Variants in SMC5 observed in about 807,000 individuals in gnomAD.
The protein encoded by SMC5 is structural maintenance of chromosomes protein 5.
SMC5 carries 88 observed loss-of-function variants against 148.3 expected under a neutral mutation model. That is an observed-to-expected ratio of 0.59 (90% CI 0.50 to 0.71). SMC5 has a LOEUF of 0.71. SMC5 is among the 30% of genes least tolerant of loss of function. The pLI is 0.00. For missense variants in SMC5, 1,142 were observed against 1,298.9 expected, an observed-to-expected ratio of 0.88 and a Z score of 1.86; for synonymous variants, 421 against 432.8, an observed-to-expected ratio of 0.97 and a Z score of 0.34.
chr9:70,271,877 TA>T (rs1001012792), intron 3 of SMC5, among the ~76,000 whole-genome samples: 26 of 152,186 alleles, frequency 1.7e-4, no homozygotes, highest in Admixed American at 1.6e-3. Flanking sequence ...AGGAGAATAG[TA>T]AAAGATAAGC....
chr9:70,264,189 A>T, intron 1 of SMC5, 115 bp from the exon 2 acceptor site: 2 of 886,578 alleles, frequency 2.3e-6, no homozygotes, highest in Non-Finnish European at 3.2e-6. Flanking sequence ...AAAAAACATT[A>T]AATTTGTAAG....
chr9:70,287,819 TA>T (rs2034951515), intron 8 of SMC5, among the ~76,000 whole-genome samples: 1 of 152,186 alleles, frequency 6.6e-6, no homozygotes, highest in East Asian at 1.9e-4. Flanking sequence ...TTCCTAGTCC[TA>T]AGAATTTCTG....
At chr9:70,303,198 C>G (rs1358745614) in intron 10 of SMC5, among the ~76,000 whole-genome samples, 1 of 151,872 alleles carries the variant, frequency 6.6e-6, no homozygotes, top group Non-Finnish European at 1.5e-5. Context: ...CTGCACTCAG[C>G]CTGGGCAACA....
intron 12 of SMC5, among the ~76,000 whole-genome samples, chr9:70,315,243 G>A (rs1009376748): frequency 1.3e-5 from 2 of 151,814 alleles, no homozygotes; most frequent in Admixed American, 1.3e-4. Flanking sequence ...AAAAAGAGTA[G>A]TTTGTAATCA....
At chr9:70,338,566 C>A (rs1417545442) in intron 17 of SMC5, among the ~76,000 whole-genome samples, 2 of 152,152 alleles carry the variant, frequency 1.3e-5, no homozygotes, top group Non-Finnish European at 2.9e-5. Flanking sequence ...CTGCAGAAAT[C>A]TACAGCTTTA....
At position 70,305,236 on chromosome 9, in the gene SMC5, T is replaced by G; in HGVS notation, c.1465-11T>G. 1.5e-6 allele frequency: 2 copies of G among 1,315,790 alleles called. No homozygotes were observed. The highest frequency in any genetic ancestry group is 2.2e-6 in the Non-Finnish European group (2 of 929,380). The allele number at this position is 1,315,790 out of a possible 1,614,324, so 81.5% of individuals were successfully genotyped here. ...TCATGAAATTCGACCTTTTTTTGCT[T>G]GTTTGTTTAGATCAATATGAAAGAT... On this transcript the variant is annotated splice_polypyrimidine_tract_variant and intron_variant, in intron 10 of 24. Coordinates refer to ENST00000361138, the MANE Select transcript of SMC5 (RefSeq NM_015110.4).
Position 70,353,023 on chromosome 9 carries a change from TTGAC to T in SMC5, c.*696_*699del, listed in dbSNP as rs1332903268. The T allele has an allele frequency of 1.3e-5, 2 of 151,850 alleles. No homozygotes were observed. The highest frequency in any genetic ancestry group is 2.1e-4 in the South Asian group (1 of 4,814). The allele number at this position is 151,850 out of a possible 1,614,324, so 9.4% of individuals were successfully genotyped here. A position where few individuals can be genotyped will look rare whatever the true frequency, so the allele number is the denominator to read the frequency against. ...GATGATGCAAAATACAACCAAAAGA[TTGAC>T]TGAGAATAAAATTAGGTGACAAGGG... On this transcript the variant is annotated 3_prime_UTR_variant, in exon 25 of 25. Coordinates refer to ENST00000361138, the MANE Select transcript of SMC5 (RefSeq NM_015110.4).
chr9:70,282,051 T>TTTC lies in SMC5; in HGVS notation c.820-371_820-370insTTC, dbSNP rs55989839. 2.8e-3 allele frequency among the ~76,000 whole-genome samples: 418 copies of TTTC among 148,628 alleles called. 6 individuals carry two copies. Among genetic ancestry groups the TTTC allele is most frequent in the East Asian group, 0.019 (97 of 5,048 alleles). ...CCATTTTCATTTTGTTTTTTTTTTT[T>TTTC]ATTTTTACCCTTTATACTTGAGTTT... On this transcript the variant is annotated intron_variant, in intron 6 of 24. Transcript: ENST00000361138.
At chr9:70,287,596 C>T (rs1241973527) in intron 8 of SMC5, among the ~76,000 whole-genome samples, 1 of 152,120 alleles carries the variant, frequency 6.6e-6, no homozygotes, top group Non-Finnish European at 1.5e-5. Context: ...TGTTAATCTC[C>T]TAGTTCTCAG....
At chr9:70,329,930 G>A (rs765133435) in intron 17 of SMC5, among the ~76,000 whole-genome samples, 8 of 152,122 alleles carry the variant, frequency 5.3e-5, no homozygotes, top group Admixed American at 1.3e-4. Context: ...AATCAGGCAC[G>A]TCTTACCATG....
intron 11 of SMC5, among the ~76,000 whole-genome samples, chr9:70,306,268 T>C (rs1450710852): frequency 1.3e-5 from 2 of 152,188 alleles, no homozygotes; most frequent in African/African-American, 4.8e-5. Context: ...ATTTTTTTAA[T>C]TGGTCTAAGT....
chr9:70,261,502 G>T (rs749415411), intron 1 of SMC5, among the ~76,000 whole-genome samples: 4 of 152,190 alleles, frequency 2.6e-5, no homozygotes, highest in Non-Finnish European at 5.9e-5. Context: ...TCAGAAGAGG[G>T]AGCAGTTTGA....
chr9:70,331,505 G>GT (rs57930530), intron 17 of SMC5, among the ~76,000 whole-genome samples: 32,005 of 149,392 alleles, frequency 0.21, 3,517 homozygotes, highest in South Asian at 0.28. Context: ...ATGGTTATGG[G>GT]TTTTTTTTTT....
At chr9:70,301,584 T>A (rs2035359041) in intron 10 of SMC5, among the ~76,000 whole-genome samples, 1 of 152,332 alleles carries the variant, frequency 6.6e-6, no homozygotes, top group East Asian at 1.9e-4. Context: ...TTTCTATGAT[T>A]TATTTTTAAC....
intron 1 of SMC5, among the ~76,000 whole-genome samples, chr9:70,262,531 A>G (rs2034167194): frequency 6.6e-6 from 1 of 152,208 alleles, no homozygotes; most frequent in South Asian, 2.1e-4. Context: ...GGTCAATGGC[A>G]TGAATGATAA....
intron 10 of SMC5, among the ~76,000 whole-genome samples, chr9:70,303,086 G>A (rs1443181333): frequency 6.6e-6 from 1 of 152,062 alleles, no homozygotes; most frequent in Non-Finnish European, 1.5e-5. Context: ...AATTAGCTGG[G>A]CATGGTGGCA....
At position 70,352,489 on chromosome 9, in the gene SMC5, CT is replaced by C. The variant is rs2036828176; in HGVS notation, c.*161del. ...GGTTGATAATGGAAACTATAATGAC[CT>C]TTCCAAAATAGCAGCTGGTAGTAAA... On this transcript the variant is annotated 3_prime_UTR_variant, in exon 25 of 25. Transcript: ENST00000361138. 2.9e-6 allele frequency: 2 copies of C among 692,352 alleles called. No individual in the cohort carries two copies. Among genetic ancestry groups the C allele is most frequent in the Admixed American group, 6.8e-5 (2 of 29,306 alleles). The allele number at this position is 692,352 out of a possible 1,614,324, so 42.9% of individuals were successfully genotyped here.
intron 17 of SMC5, among the ~76,000 whole-genome samples, chr9:70,343,658 A>G (rs987040495): frequency 1.3e-5 from 2 of 151,990 alleles, no homozygotes; most frequent in Non-Finnish European, 2.9e-5. Context: ...TCTACTAAAA[A>G]CACAAAAATT....
In SMC5 at chr9:70,258,980, T is replaced by C. The variant is rs2034000465; in HGVS notation, c.-99T>C. On this transcript the variant is annotated 5_prime_UTR_variant, in exon 1 of 25. Coordinates refer to ENST00000361138, the MANE Select transcript of SMC5 (RefSeq NM_015110.4). ...AGCGCGCGGTAACAGTTCGCGGCAG[T>C]TCGCGCGGGAGCGGGGCGCCTGGGT... The C allele has an allele frequency of 2.1e-5, 29 of 1,394,372 alleles. No homozygotes were observed. The highest frequency in any genetic ancestry group is 2.5e-5 in the Non-Finnish European group (26 of 1,050,948). The allele number at this position is 1,394,372 out of a possible 1,614,324, so 86.4% of individuals were successfully genotyped here.
Sources: allele counts gnomAD v4.1 joint callset (sites outside exome capture counted in the v4.1 genomes callset), GRCh38; gene constraint gnomAD v4.1.1; transcripts MANE v1.5; gene names NCBI Gene and HGNC (gene_info 2026-07-23, HGNC 2026-07-21).